The following NCOA1 variants were observed in gnomAD, a reference collection of about 807,000 sequenced individuals.
The protein encoded by NCOA1 is nuclear receptor coactivator 1, also known as Hin-2 protein.
A neutral mutation model predicts 150.9 loss-of-function variants in NCOA1; 35 were observed. The observed-to-expected ratio is 0.23, with a 90% CI of 0.18 to 0.31. NCOA1 has a LOEUF of 0.31. NCOA1 is among the 10% of genes least tolerant of loss of function. The pLI, the probability that NCOA1 is intolerant of heterozygous loss-of-function variation, is 1.00. For synonymous variants in NCOA1, 590 were observed against 630.0 expected (o/e 0.94, Z 0.95); for missense variants, 1,491 against 1,749.3 (o/e 0.85, Z 2.63).
At chr2:24,536,525 A>G (rs962609480) in intron 1 of NCOA1, among the ~76,000 whole-genome samples, 2 of 152,210 alleles carry the variant, frequency 1.3e-5, no homozygotes, top group African/African-American at 4.8e-5. Flanking sequence ...TTTGGAGAAG[A>G]AGAGTCGCTC....
intron 1 of NCOA1, among the ~76,000 whole-genome samples, chr2:24,535,439 G>A (rs1665090213): frequency 1.3e-5 from 2 of 152,090 alleles, no homozygotes; most frequent in Admixed American, 6.5e-5. Context: ...GGGGCATTTA[G>A]CCCATTTGCA....
chr2:24,513,259 CCT>C (rs1664012287), intron 1 of NCOA1, among the ~76,000 whole-genome samples: 1 of 151,960 alleles, frequency 6.6e-6, no homozygotes, highest in Non-Finnish European at 1.5e-5. Context: ...TTCTCTGTAC[CCT>C]CTTTCTTTTA....
At position 24,705,159 on chromosome 2, in the gene NCOA1, C is replaced by T. The variant is rs1306737534; in HGVS notation, c.1023C>T (p.His341=). 3 of 1,613,962 alleles carry T rather than the reference C, an allele frequency of 1.9e-6. No homozygotes were observed. The highest frequency in any genetic ancestry group is 3.3e-5 in the Admixed American group (2 of 60,004). ...ILNDGTMLSA[H]TKCKLCYPQS... is the part of the protein sequence containing the mutation. ...ATGATGGGACAATGCTTAGCGCCCA[C>T]ACCAAGTGTAAACTTTGCTACCCTC... The change falls in exon 12 of 23, where the codon CAC becomes CAT. Residue 341 remains histidine, a synonymous_variant. Coordinates refer to ENST00000348332, the MANE Select transcript of NCOA1 (RefSeq NM_003743.5).
chr2:24,717,952 A>G (rs1024467907), intron 14 of NCOA1, among the ~76,000 whole-genome samples: 2 of 148,654 alleles, frequency 1.3e-5, no homozygotes, highest in South Asian at 2.1e-4. Flanking sequence ...GCTGGAGTGC[A>G]ATGGCATGAT....
chr2:24,669,069 A>AG (rs1469414119), intron 6 of NCOA1, among the ~76,000 whole-genome samples: 2 of 152,238 alleles, frequency 1.3e-5, no homozygotes, highest in African/African-American at 4.8e-5. Context: ...TAATTTGTAT[A>AG]GCAGGTTGGT....
chr2:24,493,839 A>T (rs1463206599), intron 1 of NCOA1, among the ~76,000 whole-genome samples: 1 of 152,228 alleles, frequency 6.6e-6, no homozygotes, highest in African/African-American at 2.4e-5. Flanking sequence ...TGATGTAAAG[A>T]CACTGCTACT....
At chr2:24,678,784 G>A (rs980321363) in intron 7 of NCOA1, among the ~76,000 whole-genome samples, 2 of 152,108 alleles carry the variant, frequency 1.3e-5, no homozygotes, top group Non-Finnish European at 2.9e-5. Flanking sequence ...CTGGATATTA[G>A]ACCTTTGTCA....
At chr2:24,576,149 G>GTTTTTTTTTGTTTGTTTTTTT (rs1666947727) in intron 2 of NCOA1, among the ~76,000 whole-genome samples, 3 of 94,024 alleles carry the variant, frequency 3.2e-5, no homozygotes, top group African/African-American at 1.3e-4. Context: ...TTTGGCCTTT[G>GTTTTTTTTTGTTTGTTTTTTT]TTTTTTTTTT....
intron 19 of NCOA1, among the ~76,000 whole-genome samples, chr2:24,743,698 T>A (rs1258640586): frequency 6.6e-6 from 1 of 152,204 alleles, no homozygotes; most frequent in African/African-American, 2.4e-5. Flanking sequence ...AGAAGACTTG[T>A]GTAGTCATCT....
intron 1 of NCOA1, among the ~76,000 whole-genome samples, chr2:24,526,486 T>A (rs1391620302): frequency 6.6e-6 from 1 of 151,942 alleles, no homozygotes; most frequent in Non-Finnish European, 1.5e-5. Context: ...ATTAGTAAAG[T>A]GTCTTTGGAC....
At chr2:24,765,821 C>T (rs1665032161) in intron 22 of NCOA1, among the ~76,000 whole-genome samples, 1 of 152,006 alleles carries the variant, frequency 6.6e-6, no homozygotes, top group Non-Finnish European at 1.5e-5. Flanking sequence ...TGAGACACCC[C>T]CTTTTAAGTA....
chr2:24,590,007 T>TC (rs1404005310), intron 3 of NCOA1, among the ~76,000 whole-genome samples: 20 of 152,310 alleles, frequency 1.3e-4, no homozygotes, highest in Admixed American at 2.0e-4. Context: ...AGAAGGGATA[T>TC]CTGCTCTGTA....
chr2:24,639,058 A>G (rs1670064455), intron 3 of NCOA1, among the ~76,000 whole-genome samples: 1 of 151,968 alleles, frequency 6.6e-6, no homozygotes. Context: ...TTCCGTTAAT[A>G]TCTTTTCCAG....
intron 14 of NCOA1, among the ~76,000 whole-genome samples, chr2:24,718,833 C>T (rs1421616122): frequency 6.7e-6 from 1 of 150,064 alleles, no homozygotes; most frequent in African/African-American, 2.5e-5. Flanking sequence ...CGCGCCACTG[C>T]ACCCCAGCCT....
intron 6 of NCOA1, among the ~76,000 whole-genome samples, chr2:24,672,690 C>G (rs1347656333): frequency 1.3e-5 from 2 of 152,208 alleles, no homozygotes; most frequent in African/African-American, 4.8e-5. Flanking sequence ...GGGCACTGCA[C>G]CCAACCCGGA....
At chr2:24,572,159 T>C (rs1053931332) in intron 2 of NCOA1, among the ~76,000 whole-genome samples, 1 of 152,176 alleles carries the variant, frequency 6.6e-6, no homozygotes, top group African/African-American at 2.4e-5. Flanking sequence ...TGTTCTTTAC[T>C]CTTTAGGTAA....
rs145091665 is a variant in NCOA1, at chr2:24,644,500, C to T, written c.-18+378C>T. On this transcript the variant is annotated intron_variant, in intron 4 of 22. Transcript: ENST00000348332. ...ATATACCTATATAATTATAGGTATA[C>T]CTGTATAATATATAGGTAATTGTAG... 3.0e-3 allele frequency among the ~76,000 whole-genome samples: 458 copies of T among 152,014 alleles called. 2 individuals carry two copies. Among genetic ancestry groups the T allele is most frequent in the Non-Finnish European group, 5.0e-3 (341 of 67,956 alleles).
chr2:24,614,055 A>T (rs1178025162), intron 3 of NCOA1, among the ~76,000 whole-genome samples: 1 of 151,804 alleles, frequency 6.6e-6, no homozygotes, highest in African/African-American at 2.4e-5. Flanking sequence ...TCTTTGTCTG[A>T]TAGTGTCTTA....
intron 1 of NCOA1, among the ~76,000 whole-genome samples, chr2:24,559,168 A>G (rs991068440): frequency 1.4e-4 from 22 of 151,960 alleles, no homozygotes; most frequent in Non-Finnish European, 3.2e-4. Flanking sequence ...TAAAGTTTCC[A>G]TCTCTCTGCT....
Sources: gnomAD v4.1 joint callset for allele counts (sites outside exome capture counted in the v4.1 genomes callset) on GRCh38, gnomAD v4.1.1 for gene constraint, MANE v1.5 for transcripts, NCBI Gene and HGNC (gene_info 2026-07-23, HGNC 2026-07-21) for gene names.